HAUS6: variants seen among roughly 807,000 people sequenced by gnomAD.
The protein encoded by HAUS6 is HAUS augmin-like complex subunit 6.
HAUS6 carries 80 observed loss-of-function variants against 106.8 expected under a neutral mutation model. The ratio of observed to expected loss-of-function variants is 0.75; its 90% CI spans 0.63 to 0.90. The LOEUF (loss-of-function observed/expected upper bound fraction) is 0.90, where lower values mean the gene tolerates loss of function less well. Among genes scored for constraint, HAUS6 ranks in the 40% least tolerant of loss-of-function variants. HAUS6 has a pLI of 0.00. For synonymous variants in HAUS6, 356 were observed against 379.1 expected, an observed-to-expected ratio of 0.94 and a Z score of 0.71; for missense variants, 1,155 against 1,118.1, an observed-to-expected ratio of 1.03 and a Z score of -0.47.
chr9:19,089,686 T>C (rs988764347), intron 4 of HAUS6, 127 bp from the exon 5 acceptor site: 2 of 588,960 alleles, frequency 3.4e-6, no homozygotes, highest in Non-Finnish European at 5.6e-6. Context: ...TGATTGACTT[T>C]TAAAAAAAGG....
At chr9:19,067,992 C>A (rs1836800156) in intron 12 of HAUS6, among the ~76,000 whole-genome samples, 1 of 148,678 alleles carries the variant, frequency 6.7e-6, no homozygotes, top group South Asian at 2.1e-4. Flanking sequence ...CCGCACCTGG[C>A]CCCCCAAAAA....
chr9:19,072,349 C>T (rs1283683315), intron 11 of HAUS6, among the ~76,000 whole-genome samples: 2 of 152,052 alleles, frequency 1.3e-5, no homozygotes, highest in Non-Finnish European at 2.9e-5. Flanking sequence ...CCCGTCTCTA[C>T]TAAAAATACA....
chr9:19,091,421 G>C (rs1465492592), intron 4 of HAUS6, among the ~76,000 whole-genome samples: 1 of 152,116 alleles, frequency 6.6e-6, no homozygotes, highest in African/African-American at 2.4e-5. Flanking sequence ...TCCAGAAATA[G>C]GACAATCCAT....
intron 11 of HAUS6, chr9:19,073,754 A>C (rs1271951548): frequency 6.6e-6 from 1 of 152,148 alleles, no homozygotes; most frequent in African/African-American, 2.4e-5. Flanking sequence ...GACTGTCCAA[A>C]GCCACCATGG....
At chr9:19,096,589 A>AAT in intron 2 of HAUS6, 85 bp downstream of exon 2, 1 of 500,046 alleles carries the variant, frequency 2.0e-6, no homozygotes, top group Non-Finnish European at 3.6e-6. Context: ...AAAAAAAAAA[A>AAT]GGAGAGAATT....
chr9:19,082,945 A>G lies in HAUS6; in HGVS notation c.798T>C (p.Ala266=), dbSNP rs1398137821. The change falls in exon 8 of 17, where the codon GCT becomes GCC. Residue 266 remains alanine, a synonymous_variant. Transcript: ENST00000380502. ...SSVLSLVNQY[A]LDGTNVAINI... Reference sequence around the variant, plus strand: ...TAATAGCAACATTAGTTCCATCTAAAGCATATTGGTTAACAAGACTAAGGA... The same window carrying G: ...TAATAGCAACATTAGTTCCATCTAAGGCATATTGGTTAACAAGACTAAGGA... 2 of 1,551,668 alleles carry G rather than the reference A, an allele frequency of 1.3e-6. No homozygotes were observed. The highest frequency in any genetic ancestry group is 1.4e-5 in the African/African-American group (1 of 72,808).
intron 11 of HAUS6, among the ~76,000 whole-genome samples, chr9:19,072,837 A>G (rs1177632413): frequency 6.6e-6 from 1 of 152,188 alleles, no homozygotes; most frequent in East Asian, 1.9e-4. Context: ...GTTAAAAACA[A>G]TTTCTATCAA....
chr9:19,091,917 C>G (rs1053781025), intron 4 of HAUS6, among the ~76,000 whole-genome samples: 13 of 152,104 alleles, frequency 8.5e-5, no homozygotes, highest in African/African-American at 3.1e-4. Flanking sequence ...CTACCTCAGC[C>G]TCCCAAAGTC....
chr9:19,076,505 G>A (rs1175026847), intron 11 of HAUS6, 97 bp downstream of exon 11: 2 of 703,004 alleles, frequency 2.8e-6, no homozygotes, highest in Non-Finnish European at 5.0e-6. Flanking sequence ...AAAAAAAAAT[G>A]GAGGAAAAAG....
chr9:19,090,509 T>C (rs1329762484), intron 4 of HAUS6, among the ~76,000 whole-genome samples: 1 of 152,020 alleles, frequency 6.6e-6, no homozygotes, highest in Non-Finnish European at 1.5e-5. Context: ...GGACTACAGG[T>C]GCCCGCCACC....
At position 19,074,364 on chromosome 9, in the gene HAUS6, C is replaced by T. The variant is rs560782192; in HGVS notation, c.1294+2238G>A. On this transcript the variant is annotated intron_variant, in intron 11 of 16. Coordinates refer to ENST00000380502, the MANE Select transcript of HAUS6 (RefSeq NM_017645.5). ...ATAGATCATTGCAGCCTTGAACTCC[C>T]GGGCTCAAATGATTCTCCTGCCTCA... Among the ~76,000 whole-genome samples the T allele has an allele frequency of 3.3e-5, 5 of 152,104 alleles. No individual in the cohort carries two copies. In the South Asian group the frequency reaches 8.3e-4, roughly 25 times the overall value.
chr9:19,078,157 G>T lies in HAUS6; in HGVS notation c.1191+19C>A, dbSNP rs1413054610. ...AAGGTGGGTGGCGGGGAGGGCAGGG[G>T]CAAGTCAACATTACTTACTGGAGTC... is the stretch of plus-strand genomic sequence containing the variant. On this transcript the variant is annotated intron_variant, in intron 10 of 16. Transcript: ENST00000380502. 2 of 1,587,032 alleles carry T rather than the reference G, an allele frequency of 1.3e-6. No homozygotes were observed. The highest frequency in any genetic ancestry group is 3.5e-5 in the Admixed American group (2 of 56,546).
At position 19,058,909 on chromosome 9, in the gene HAUS6, C is replaced by T. The variant is rs1836544117; in HGVS notation, c.1858G>A (p.Val620Ile). Reference protein sequence around the residue: ...PIQMDAEHREVLPESLPVLHN... With the variant: ...PIQMDAEHREILPESLPVLHN... ...AACACAGGTAATGATTCTGGCAATACTTCTCTATGTTCAGCATCCATTTGA... is the reference window on the plus strand; with the variant it reads ...AACACAGGTAATGATTCTGGCAATATTTCTCTATGTTCAGCATCCATTTGA... Residue 620 changes from valine (V) to isoleucine (I), a missense_variant, in exon 16 of 17, where the codon GTA (valine) becomes ATA (isoleucine). Around this residue, in one of 3 missense-constraint regions of HAUS6, gnomAD observed 380 missense variants for 394.8 expected, o/e 0.96. Coordinates refer to ENST00000380502, the MANE Select transcript of HAUS6 (RefSeq NM_017645.5). The T allele has an allele frequency of 6.3e-7, 1 of 1,582,810 alleles. No homozygotes were observed. Among genetic ancestry groups the T allele is most frequent in the Non-Finnish European group, 8.7e-7 (1 of 1,151,480 alleles).
In HAUS6 at chr9:19,096,725, G is replaced by A. The variant is rs750003005; in HGVS notation, c.173C>T (p.Ser58Phe). The A allele has an allele frequency of 1.3e-6, 2 of 1,566,326 alleles. No homozygotes were observed. The highest frequency in any genetic ancestry group is 2.3e-5 in the East Asian group (1 of 43,670). The change falls in exon 2 of 17, where the codon TCT becomes TTT. Residue 58 changes from serine (S) to phenylalanine (F), a missense_variant. Transcript: ENST00000380502. ...KLNRDAFHII[S>F]YFLFQVLDQS... Reference sequence around the variant, plus strand: ...GTCCAGAACTTGAAACAAAAAATAAGAAATTATATGAAAGGCATCACGGTT... The same window carrying A: ...GTCCAGAACTTGAAACAAAAAATAAAAAATTATATGAAAGGCATCACGGTT...
chr9:19,096,542 A>G (rs1166161066), intron 2 of HAUS6, 132 bp downstream of exon 2: 2 of 540,764 alleles, frequency 3.7e-6, no homozygotes, highest in East Asian at 7.0e-5. Context: ...TCCAGCCTCG[A>G]TGACGGAGTG....
At chr9:19,059,407 C>T (rs1836558194) in intron 15 of HAUS6, among the ~76,000 whole-genome samples, 1 of 152,174 alleles carries the variant, frequency 6.6e-6, no homozygotes, top group South Asian at 2.1e-4. Flanking sequence ...TGAAAGTAGC[C>T]ATAAACAATG....
chr9:19,094,833 T>A (rs952615166), intron 2 of HAUS6, among the ~76,000 whole-genome samples: 1 of 152,086 alleles, frequency 6.6e-6, no homozygotes, highest in Non-Finnish European at 1.5e-5. Context: ...CCTTCTTAGA[T>A]AACAGCTAGA....
At position 19,054,929 on chromosome 9, in the gene HAUS6, G is replaced by A. The variant is rs571536954; in HGVS notation, c.*1414C>T. 9 of 152,278 alleles carry A rather than the reference G, an allele frequency of 5.9e-5. No individual in the cohort carries two copies. Among genetic ancestry groups the A allele is most frequent in the South Asian group, 4.1e-4 (2 of 4,826 alleles). The allele number at this position is 152,278 out of a possible 1,614,324, so 9.4% of individuals were successfully genotyped here. A position where few individuals can be genotyped will look rare whatever the true frequency, so the allele number is the denominator to read the frequency against. On this transcript the variant is annotated 3_prime_UTR_variant, in exon 17 of 17. Coordinates refer to ENST00000380502, the MANE Select transcript of HAUS6 (RefSeq NM_017645.5). ...TGAGTTTTCTTAAAGCAGACTAAAG[G>A]TTTCCCCATAGACCTGCATAGTCCC...
chr9:19,097,388 C>A (rs1172929548), intron 1 of HAUS6, among the ~76,000 whole-genome samples: 1 of 151,834 alleles, frequency 6.6e-6, no homozygotes, highest in East Asian at 1.9e-4. Flanking sequence ...AAAATGAACT[C>A]AAACAAATTT....
Sources: gnomAD v4.1 joint callset for allele counts (sites outside exome capture counted in the v4.1 genomes callset) on GRCh38, gnomAD v4.1.1 for gene constraint, gnomAD v4.1.1 regional missense constraint, MANE v1.5 for transcripts, NCBI Gene and HGNC (gene_info 2026-07-23, HGNC 2026-07-21) for gene names.